The following MAGI1 variants were observed in gnomAD, a reference collection of about 807,000 sequenced individuals.
MAGI1 encodes membrane associated guanylate kinase, WW and PDZ domain containing 1, also known as membrane-associated guanylate kinase, WW and PDZ domain-containing protein 1.
MAGI1 carries 58 observed loss-of-function variants against 139.9 expected under a neutral mutation model. The observed-to-expected ratio is 0.41, with a 90% CI of 0.34 to 0.52. The LOEUF (loss-of-function observed/expected upper bound fraction) is 0.52, where lower values mean the gene tolerates loss of function less well. Among genes scored for constraint, MAGI1 ranks in the 20% least tolerant of loss-of-function variants. The pLI is 0.12. For synonymous variants in MAGI1, 812 were observed against 737.9 expected (o/e 1.10, Z -1.63); for missense variants, 1,874 against 1,901.6 (o/e 0.99, Z 0.27).
intron 1 of MAGI1, among the ~76,000 whole-genome samples, chr3:65,660,938 C>T (rs2086157651): frequency 6.6e-6 from 1 of 152,140 alleles, no homozygotes; most frequent in African/African-American, 2.4e-5. Flanking sequence ...AGCAAAAATA[C>T]ACTCATCAAA....
intron 1 of MAGI1, 66 bp downstream of exon 1, chr3:66,037,930 T>A: frequency 2.0e-6 from 3 of 1,511,194 alleles, no homozygotes; most frequent in Non-Finnish European, 2.7e-6. Context: ...AAATCGAGAA[T>A]AAGGGGCAGC....
chr3:66,009,443 G>A (rs914383027), intron 1 of MAGI1, among the ~76,000 whole-genome samples: 1 of 152,082 alleles, frequency 6.6e-6, no homozygotes, highest in East Asian at 1.9e-4. Context: ...CCCAGAGACC[G>A]AGGTTGCAGT....
chr3:65,805,627 G>C (rs908461932), intron 1 of MAGI1, among the ~76,000 whole-genome samples: 4 of 152,048 alleles, frequency 2.6e-5, no homozygotes, highest in Admixed American at 6.6e-5. Flanking sequence ...TATTACAAAG[G>C]TACATGCACG....
At chr3:65,814,611 C>G (rs932657533) in intron 1 of MAGI1, among the ~76,000 whole-genome samples, 2 of 152,198 alleles carry the variant, frequency 1.3e-5, no homozygotes, top group African/African-American at 4.8e-5. Flanking sequence ...AAAGCAAGCA[C>G]TTCATTTCTT....
intron 1 of MAGI1, among the ~76,000 whole-genome samples, chr3:66,005,102 T>C (rs998517188): frequency 6.6e-6 from 1 of 151,958 alleles, no homozygotes; most frequent in Non-Finnish European, 1.5e-5. Context: ...ATTTGCCATG[T>C]TAAATGGCTT....
At chr3:65,656,771 G>A (rs1290942116) in intron 1 of MAGI1, among the ~76,000 whole-genome samples, 2 of 152,000 alleles carry the variant, frequency 1.3e-5, no homozygotes, top group African/African-American at 4.8e-5. Flanking sequence ...GGCCAAGTGG[G>A]CAGATCATTT....
intron 1 of MAGI1, among the ~76,000 whole-genome samples, chr3:65,772,209 AG>A (rs1476798987): frequency 8.5e-5 from 13 of 152,190 alleles, no homozygotes; most frequent in African/African-American, 3.1e-4. Flanking sequence ...AAAAAGAAAA[AG>A]AAAAAAAAGA....
intron 2 of MAGI1, among the ~76,000 whole-genome samples, chr3:65,524,391 A>G (rs372974674): frequency 2.0e-5 from 3 of 152,338 alleles, no homozygotes; most frequent in East Asian, 3.9e-4. Context: ...TAATGAATAG[A>G]AAGTTTCTCT....
chr3:65,582,549 G>A (rs953646161), intron 2 of MAGI1, among the ~76,000 whole-genome samples: 28 of 152,136 alleles, frequency 1.8e-4, no homozygotes, highest in African/African-American at 4.8e-4. Flanking sequence ...ATCAAAGAGC[G>A]GCTCTCTGAT....
chr3:65,920,267 C>A (rs957745446), intron 1 of MAGI1, among the ~76,000 whole-genome samples: 7 of 152,172 alleles, frequency 4.6e-5, no homozygotes, highest in African/African-American at 1.4e-4. Context: ...AACACCTCGA[C>A]CTGTGCCCTC....
intron 1 of MAGI1, among the ~76,000 whole-genome samples, chr3:65,757,137 G>A (rs2036626430): frequency 6.6e-6 from 1 of 152,100 alleles, no homozygotes; most frequent in African/African-American, 2.4e-5. Flanking sequence ...CTTTTTAACA[G>A]TAACTTGGAG....
intron 1 of MAGI1, among the ~76,000 whole-genome samples, chr3:65,899,017 G>T (rs1210598726): frequency 6.6e-6 from 1 of 152,066 alleles, no homozygotes; most frequent in African/African-American, 2.4e-5. Flanking sequence ...AACTTCCCAG[G>T]CTCGGGTGAT....
intron 1 of MAGI1, among the ~76,000 whole-genome samples, chr3:66,024,699 G>A (rs940780996): frequency 1.1e-4 from 16 of 152,072 alleles, no homozygotes; most frequent in South Asian, 2.1e-4. Flanking sequence ...CCAGCTACTC[G>A]GGAGGCTGAA....
chr3:65,368,389 C>G (rs1261288912), intron 18 of MAGI1, among the ~76,000 whole-genome samples: 1 of 152,176 alleles, frequency 6.6e-6, no homozygotes, highest in East Asian at 1.9e-4. Context: ...ACTACACTTT[C>G]AATAGCAGTC....
Position 65,391,331 on chromosome 3 carries a change from T to C in MAGI1, c.2227A>G (p.Asn743Asp). The change falls in exon 14 of 23, where the codon AAT becomes GAT. Residue 743 changes from asparagine (N) to aspartate (D), a missense_variant. By Grantham distance (23) the Asn-to-Asp change is conservative. Transcript: ENST00000402939. Reference sequence around the variant, plus strand: ...CTGGAAACACTGTGCTGAGAACTATTCTGGCTGTCTTTCCTTTCCAGTGGT... The same window carrying C: ...CTGGAAACACTGTGCTGAGAACTATCCTGGCTGTCTTTCCTTTCCAGTGGT... ...SQPLERKDSQ[N>D]SSQHSVSSHR... 6.2e-7 allele frequency: 1 copy of C among 1,614,218 alleles called. No individual in the cohort carries two copies. Among genetic ancestry groups the C allele is most frequent in the Non-Finnish European group, 8.5e-7 (1 of 1,180,028 alleles).
intron 1 of MAGI1, among the ~76,000 whole-genome samples, chr3:65,905,163 T>A (rs972955357): frequency 1.3e-5 from 2 of 152,218 alleles, no homozygotes; most frequent in Admixed American, 6.5e-5. Context: ...TTAAATGATA[T>A]GATATTCAGC....
intron 1 of MAGI1, among the ~76,000 whole-genome samples, chr3:66,033,072 A>G (rs2068726437): frequency 6.6e-6 from 1 of 151,160 alleles, no homozygotes; most frequent in South Asian, 2.2e-4. Flanking sequence ...TCTGTCACCC[A>G]GGCTGGAGTG....
chr3:65,787,124 C>A (rs2039450083), intron 1 of MAGI1, among the ~76,000 whole-genome samples: 2 of 152,082 alleles, frequency 1.3e-5, no homozygotes, highest in Non-Finnish European at 2.9e-5. Flanking sequence ...CCCCTATTTC[C>A]TCCCCAGAAG....
At chr3:65,811,698 A>G (rs775628190) in intron 1 of MAGI1, among the ~76,000 whole-genome samples, 48 of 152,218 alleles carry the variant, frequency 3.2e-4, no homozygotes, top group Non-Finnish European at 5.4e-4. Flanking sequence ...ACAAACAAAA[A>G]AAAAAACAAG....
Sources: gnomAD v4.1 joint callset for allele counts (sites outside exome capture counted in the v4.1 genomes callset) on GRCh38, gnomAD v4.1.1 for gene constraint, MANE v1.5 for transcripts, NCBI Gene and HGNC (gene_info 2026-07-23, HGNC 2026-07-21) for gene names.